TMX4: variants seen among roughly 807,000 people sequenced by gnomAD.
TMX4 encodes the protein thioredoxin-related transmembrane protein 4.
Under a neutral mutation model 33.3 loss-of-function variants are expected in TMX4, and 23 were observed. The observed-to-expected ratio is 0.69, with a 90% CI of 0.50 to 0.98. The LOEUF is 0.98. TMX4 is among the 50% of genes least tolerant of loss of function. TMX4 has a pLI of 0.00. For missense variants in TMX4, 399 were observed against 448.9 expected, an observed-to-expected ratio of 0.89 and a Z score of 1.01; for synonymous variants, 164 against 161.5, an observed-to-expected ratio of 1.02 and a Z score of -0.12.
rs1600137473 is a variant in TMX4 at position 7,979,152 on chromosome 20, G to GA, written c.*3098dup. The GA allele has an allele frequency of 2.0e-5, 3 of 151,282 alleles. No homozygotes were observed. The highest frequency in any genetic ancestry group is 1.9e-4 in the East Asian group (1 of 5,152). 9.4% of individuals were successfully genotyped at this position (151,282 alleles called of 1,614,324 possible). On this transcript the variant is annotated 3_prime_UTR_variant, in exon 8 of 8. Transcript: ENST00000246024. ...TTCCGGATCAAATATATTATCTACA[G>GA]AAAAAATCCACAAACTCTTATCGAA...
rs374974094 is a variant in TMX4, at chr20:7,984,210, C to T, written c.616-353G>A. 2.6e-5 allele frequency among the ~76,000 whole-genome samples: 4 copies of T among 152,198 alleles called. No homozygotes were observed. The East Asian group carries it at 5.8e-4, about 22-fold the overall frequency. ...CTGTATATAGGCTGCCCCTCACCAA[C>T]GGGTAACCCCTGATTGAATGGAAGA... is the stretch of plus-strand genomic sequence containing the variant. On this transcript the variant is annotated intron_variant, in intron 6 of 7. Coordinates refer to ENST00000246024, the MANE Select transcript of TMX4 (RefSeq NM_021156.4).
At chr20:8,007,636 T>G (rs1382997016) in intron 2 of TMX4, among the ~76,000 whole-genome samples, 1 of 152,164 alleles carries the variant, frequency 6.6e-6, no homozygotes, top group Non-Finnish European at 1.5e-5. Context: ...TCTCAAGTAC[T>G]CCACTGGTGG....
intron 3 of TMX4, among the ~76,000 whole-genome samples, chr20:8,001,075 C>T (rs2050704992): frequency 1.3e-5 from 2 of 152,206 alleles, no homozygotes; most frequent in East Asian, 3.9e-4. Flanking sequence ...TCTCTCTGGC[C>T]TCATCACTCA....
chr20:7,998,879 T>A (rs1221324744), intron 4 of TMX4, among the ~76,000 whole-genome samples: 1 of 152,110 alleles, frequency 6.6e-6, no homozygotes, highest in Non-Finnish European at 1.5e-5. Flanking sequence ...TTGTAAAATA[T>A]GTTGTTGTGT....
intron 3 of TMX4, among the ~76,000 whole-genome samples, chr20:8,000,956 T>C (rs745542065): frequency 6.6e-5 from 10 of 152,188 alleles, no homozygotes; most frequent in Non-Finnish European, 1.2e-4. Flanking sequence ...GTAGTCATCA[T>C]AGACTCTTCC....
In TMX4 at chr20:7,977,647, C is replaced by T. The variant is rs2050585747; in HGVS notation, c.*4604G>A. 6.6e-6 allele frequency: 1 copy of T among 152,036 alleles called. No homozygotes were observed. The highest frequency in any genetic ancestry group is 2.1e-4 in the South Asian group (1 of 4,826). 9.4% of individuals were successfully genotyped at this position (152,036 alleles called of 1,614,324 possible). On this transcript the variant is annotated 3_prime_UTR_variant, in exon 8 of 8. Coordinates refer to ENST00000246024, the MANE Select transcript of TMX4 (RefSeq NM_021156.4). ...ATGCTATTTGAGGAAGCAAAGAATACAGAAAGAAAAATAATTAGGTTCATT... is the reference window on the plus strand; with the variant it reads ...ATGCTATTTGAGGAAGCAAAGAATATAGAAAGAAAAATAATTAGGTTCATT...
intron 5 of TMX4, 99 bp from the exon 6 acceptor site, chr20:7,987,488 C>T: frequency 1.3e-6 from 1 of 768,168 alleles, no homozygotes; most frequent in Non-Finnish European, 2.0e-6. Context: ...CATAGGTTCC[C>T]ACAAAGCTTT....
At chr20:7,987,229 A>AT in intron 6 of TMX4, 59 bp downstream of exon 6, 1 of 1,197,982 alleles carries the variant, frequency 8.3e-7, no homozygotes, top group South Asian at 1.4e-5. Flanking sequence ...GCTGCCTTTT[A>AT]TTTGTACATG....
chr20:7,983,226 T>C (rs1273517207), intron 7 of TMX4, among the ~76,000 whole-genome samples: 1 of 152,224 alleles, frequency 6.6e-6, no homozygotes, highest in East Asian at 1.9e-4. Context: ...CTAAGAATCA[T>C]ATTTTCAAAT....
chr20:8,011,459 T>C (rs1052588209), intron 1 of TMX4, among the ~76,000 whole-genome samples: 2 of 151,632 alleles, frequency 1.3e-5, no homozygotes, highest in Non-Finnish European at 2.9e-5. Context: ...TGCAAAAGCA[T>C]GCTGGTAAGT....
In TMX4 at chr20:7,996,074, T is replaced by TAA. The variant is rs750698808; in HGVS notation, c.468-5_468-4dup. The TAA allele has an allele frequency of 2.6e-5, 40 of 1,545,354 alleles. No homozygotes were observed. In the East Asian group the frequency reaches 8.6e-4, roughly 33 times the overall value. On this transcript the variant is annotated splice_region_variant and splice_polypyrimidine_tract_variant and intron_variant, in intron 4 of 7. Coordinates refer to ENST00000246024, the MANE Select transcript of TMX4 (RefSeq NM_021156.4). ...AAAGACCAGCCATTCCAGACATCCT[T>TAA]AAAAAAAAATAAAGAGAAGAAACAG...
At chr20:8,015,197 C>T (rs1034534776) in intron 1 of TMX4, among the ~76,000 whole-genome samples, 7 of 152,242 alleles carry the variant, frequency 4.6e-5, no homozygotes, top group African/African-American at 1.4e-4. Context: ...TTTAATGAGG[C>T]TTTAAACCCT....
Position 7,981,186 on chromosome 20 carries a change from T to C in TMX4, c.*1065A>G, listed in dbSNP as rs1051459138. Reference sequence around the variant, plus strand: ...AATCAAATCTTTCACTTTCAGGTACTGGAGTTCATTAATTCTTTCACCAAA... The same window carrying C: ...AATCAAATCTTTCACTTTCAGGTACCGGAGTTCATTAATTCTTTCACCAAA... On this transcript the variant is annotated 3_prime_UTR_variant, in exon 8 of 8. Transcript: ENST00000246024. 6.6e-6 allele frequency: 1 copy of C among 152,190 alleles called. No homozygotes were observed. The allele number at this position is 152,190 out of a possible 1,614,324, so 9.4% of individuals were successfully genotyped here. A position where few individuals can be genotyped will look rare whatever the true frequency, so the allele number is the denominator to read the frequency against.
At chr20:8,018,033 C>T (rs2050783559) in intron 1 of TMX4, among the ~76,000 whole-genome samples, 1 of 151,852 alleles carries the variant, frequency 6.6e-6, no homozygotes, top group African/African-American at 2.4e-5. Context: ...GCAATGTAAT[C>T]TGCTGTGTGA....
intron 1 of TMX4, among the ~76,000 whole-genome samples, chr20:8,014,728 A>C (rs2050765813): frequency 6.6e-6 from 1 of 152,232 alleles, no homozygotes; most frequent in Non-Finnish European, 1.5e-5. Flanking sequence ...GTCAGGAATG[A>C]GTATACAGTA....
chr20:8,010,091 G>A, intron 2 of TMX4, 109 bp downstream of exon 2: 1 of 829,362 alleles, frequency 1.2e-6, no homozygotes, highest in Non-Finnish European at 2.0e-6. Context: ...AAGGTGGCCA[G>A]TTCATGGGTA....
At position 8,010,327 on chromosome 20, in the gene TMX4, G is replaced by T; in HGVS notation, c.177-12C>A. The T allele has an allele frequency of 6.4e-7, 1 of 1,566,178 alleles. No individual in the cohort carries two copies. The highest frequency in any genetic ancestry group is 1.8e-5 in the Admixed American group (1 of 56,506). On this transcript the variant is annotated splice_polypyrimidine_tract_variant and intron_variant, in intron 1 of 7. Transcript: ENST00000246024. ...ACCATGGGGCGTAACTATAAGAGAAGAATAAGAATTATATTGATAAATATA... is the reference window on the plus strand; with the variant it reads ...ACCATGGGGCGTAACTATAAGAGAATAATAAGAATTATATTGATAAATATA...
intron 1 of TMX4, among the ~76,000 whole-genome samples, chr20:8,016,362 A>G (rs1481176462): frequency 6.6e-6 from 1 of 152,154 alleles, no homozygotes; most frequent in African/African-American, 2.4e-5. Flanking sequence ...ACAAAGTGAG[A>G]CTCCATCTAA....
In TMX4 at chr20:8,019,692, G is replaced by A. The variant is rs1165339628; in HGVS notation, c.-79C>T. 8.2e-7 allele frequency: 1 copy of A among 1,215,694 alleles called. No homozygotes were observed. The highest frequency in any genetic ancestry group is 3.2e-5 in the East Asian group (1 of 30,772). The allele number at this position is 1,215,694 out of a possible 1,614,324, so 75.3% of individuals were successfully genotyped here. On this transcript the variant is annotated 5_prime_UTR_variant, in exon 1 of 8. Transcript: ENST00000246024. ...GGCCCGCAGCCTCGCTCGCCCGCCGGGTTTTTCAAGGAAGCGGGAGACGCA... is the reference window on the plus strand; with the variant it reads ...GGCCCGCAGCCTCGCTCGCCCGCCGAGTTTTTCAAGGAAGCGGGAGACGCA...
Sources: allele counts gnomAD v4.1 joint callset (sites outside exome capture counted in the v4.1 genomes callset), GRCh38; gene constraint gnomAD v4.1.1; transcripts MANE v1.5; gene names NCBI Gene and HGNC (gene_info 2026-07-23, HGNC 2026-07-21).